The following ARHGAP5 variants were observed in gnomAD, a reference collection of about 807,000 sequenced individuals.
ARHGAP5 encodes the protein Rho GTPase activating protein 5.
Under a neutral mutation model 116.6 loss-of-function variants are expected in ARHGAP5, and 23 were observed. That is an observed-to-expected ratio of 0.20 (90% CI 0.14 to 0.28). The LOEUF (loss-of-function observed/expected upper bound fraction) is 0.28, where lower values mean the gene tolerates loss of function less well. Ranked by LOEUF, ARHGAP5 falls within the 10% of genes least tolerant of loss-of-function variation. The pLI, the probability that ARHGAP5 is intolerant of heterozygous loss-of-function variation, is 1.00. For missense variants in ARHGAP5, 1,405 were observed against 1,774.8 expected (o/e 0.79, Z 3.74); for synonymous variants, 574 against 602.0 (o/e 0.95, Z 0.68).
chr14:32,084,081 A>G lies in ARHGAP5; in HGVS notation c.-168-6421A>G, dbSNP rs1177479042. Reference sequence around the variant, plus strand: ...AGAATGACTTGCACACCAAGGCCTCAGGGAAATAACATGTTATCAGAGTAG... The same window carrying G: ...AGAATGACTTGCACACCAAGGCCTCGGGGAAATAACATGTTATCAGAGTAG... On this transcript the variant is annotated intron_variant, in intron 1 of 6. Coordinates refer to ENST00000345122, the MANE Select transcript of ARHGAP5 (RefSeq NM_001030055.2). Among the ~76,000 whole-genome samples the G allele has an allele frequency of 3.3e-5, 5 of 152,344 alleles. No individual in the cohort carries two copies. In the East Asian group the frequency reaches 9.6e-4, roughly 29 times the overall value.
Position 32,090,705 on chromosome 14 carries a change from C to T in ARHGAP5, c.36C>T (p.Ser12=), listed in dbSNP as rs1428214498. The part of the protein sequence containing the change: ...MAKNKEPRPP[S]YTISIVGLSG... ...AAAACAAAGAGCCTCGTCCCCCATC[C>T]TATACCATCAGTATAGTTGGACTCT... The change falls in exon 2 of 7, where the codon TCC becomes TCT. Residue 12 remains serine (S), a synonymous_variant. Transcript: ENST00000345122. 3 of 1,612,654 alleles carry T rather than the reference C, an allele frequency of 1.9e-6. No individual in the cohort carries two copies. The South Asian group carries it at 3.3e-5, about 18-fold the overall frequency.
At chr14:32,105,907 A>G (rs566039265) in intron 2 of ARHGAP5, among the ~76,000 whole-genome samples, 2 of 152,218 alleles carry the variant, frequency 1.3e-5, no homozygotes, top group African/African-American at 2.4e-5. Context: ...TTCATTTACC[A>G]TAATGCCCTT....
At chr14:32,078,756 C>G (rs373713558) in intron 1 of ARHGAP5, among the ~76,000 whole-genome samples, 1 of 152,102 alleles carries the variant, frequency 6.6e-6, no homozygotes, top group East Asian at 1.9e-4. Flanking sequence ...GTTCTCCTAA[C>G]AAAAATTTCA....
At chr14:32,080,818 A>G (rs983727216) in intron 1 of ARHGAP5, among the ~76,000 whole-genome samples, 1 of 152,078 alleles carries the variant, frequency 6.6e-6, no homozygotes, top group South Asian at 2.1e-4. Context: ...TGTCTACAGT[A>G]CTTTAGATTT....
chr14:32,131,276 G>C lies in ARHGAP5; in HGVS notation c.3865+13989G>C, dbSNP rs575883350. Among the ~76,000 whole-genome samples, 10 of 124,134 alleles carry C rather than the reference G, an allele frequency of 8.1e-5. No homozygotes were observed. The South Asian group carries it at 2.6e-3, about 32-fold the overall frequency. The allele number at this position is 124,134 out of a possible 152,430, so 81.4% of individuals were successfully genotyped here. On this transcript the variant is annotated intron_variant, in intron 3 of 6. Coordinates refer to ENST00000345122, the MANE Select transcript of ARHGAP5 (RefSeq NM_001030055.2). ...TCTTTTTTTTTTTTTTTTTAGGTTT[G>C]TCTTTATTTTATTTTATTTTTGCAT... is the stretch of plus-strand genomic sequence containing the variant.
At chr14:32,148,640 T>G (rs1280690705) in intron 4 of ARHGAP5, among the ~76,000 whole-genome samples, 2 of 152,320 alleles carry the variant, frequency 1.3e-5, no homozygotes, top group African/African-American at 2.4e-5. Flanking sequence ...TAGAATATTA[T>G]GTAAATTGTA....
intron 6 of ARHGAP5, chr14:32,153,885 C>T: frequency 7.1e-6 from 1 of 141,514 alleles, no homozygotes; most frequent in Non-Finnish European, 1.5e-5. Context: ...AGACTTGATT[C>T]TCAAAAAAAA....
At chr14:32,122,897 T>C (rs1038460761) in intron 3 of ARHGAP5, among the ~76,000 whole-genome samples, 2 of 152,190 alleles carry the variant, frequency 1.3e-5, no homozygotes, top group Non-Finnish European at 2.9e-5. Context: ...GTTTTCATTA[T>C]TGTTTTGTAG....
At chr14:32,105,619 C>T (rs908229230) in intron 2 of ARHGAP5, among the ~76,000 whole-genome samples, 10 of 152,060 alleles carry the variant, frequency 6.6e-5, no homozygotes, top group African/African-American at 2.4e-4. Context: ...CAGATTTCCC[C>T]AGTTTTACTT....
chr14:32,078,044 A>G (rs1285738497), intron 1 of ARHGAP5, among the ~76,000 whole-genome samples: 2 of 151,966 alleles, frequency 1.3e-5, no homozygotes, highest in African/African-American at 2.4e-5. Flanking sequence ...CTGCGCATCC[A>G]GAGCCCAGAG....
chr14:32,128,527 C>T (rs539443917), intron 3 of ARHGAP5, among the ~76,000 whole-genome samples: 521 of 152,342 alleles, frequency 3.4e-3, no homozygotes, highest in Non-Finnish European at 6.4e-3. Context: ...ATCTGCGTGT[C>T]GGCTATCGGT....
chr14:32,106,137 ATTGAG>A (rs770532978), intron 2 of ARHGAP5, among the ~76,000 whole-genome samples: 2 of 152,068 alleles, frequency 1.3e-5, no homozygotes, highest in Non-Finnish European at 2.9e-5. Context: ...TTATTTATTT[ATTGAG>A]ATGGAGTCTC....
rs546275237 is a variant in ARHGAP5 at position 32,117,126 on chromosome 14, A to G, written c.3718-14A>G. 3.8e-6 allele frequency: 6 copies of G among 1,569,740 alleles called. No homozygotes were observed. The South Asian group carries it at 7.0e-5, about 18-fold the overall frequency. ...TAATTTTAATAGTGTTAACTTAAAT[A>G]TGTTTTCTTATAGCAGAAAAAGAAA... On this transcript the variant is annotated splice_polypyrimidine_tract_variant and intron_variant, in intron 2 of 6. Coordinates refer to ENST00000345122, the MANE Select transcript of ARHGAP5 (RefSeq NM_001030055.2).
chr14:32,152,846 G>A (rs1044468185), intron 6 of ARHGAP5, among the ~76,000 whole-genome samples: 1 of 152,082 alleles, frequency 6.6e-6, no homozygotes, highest in African/African-American at 2.4e-5. Context: ...GGTTTGGTTT[G>A]AAAAATTACT....
chr14:32,140,596 A>AG (rs1881076255), intron 3 of ARHGAP5, among the ~76,000 whole-genome samples: 1 of 152,152 alleles, frequency 6.6e-6, no homozygotes. Context: ...TCTCAAAAAA[A>AG]GAAAAAAGAA....
intron 1 of ARHGAP5, among the ~76,000 whole-genome samples, chr14:32,082,148 C>T (rs2041783348): frequency 6.6e-6 from 1 of 152,170 alleles, no homozygotes; most frequent in African/African-American, 2.4e-5. Flanking sequence ...AGCCCAGTTC[C>T]TAATAAGCCA....
rs1881691127 is a variant in ARHGAP5 at position 32,152,539 on chromosome 14, T to G, written c.4181+11T>G. The G allele has an allele frequency of 6.8e-7, 1 of 1,467,264 alleles. No individual in the cohort carries two copies. Among genetic ancestry groups the G allele is most frequent in the Admixed American group, 2.4e-5 (1 of 41,224 alleles). The allele number at this position is 1,467,264 out of a possible 1,614,324, so 90.9% of individuals were successfully genotyped here. ...AACACATCTAAACAGGTATTTTTAT[T>G]TTTTTAGGGTTTTTTGGCAAATAAA... On this transcript the variant is annotated intron_variant, in intron 6 of 6. Transcript: ENST00000345122.
In ARHGAP5 at chr14:32,093,428, C is replaced by T. The variant is rs1420785475; in HGVS notation, c.2759C>T (p.Ser920Phe). 1 of 1,613,806 alleles carries T rather than the reference C, an allele frequency of 6.2e-7. No individual in the cohort carries two copies. Among genetic ancestry groups the T allele is most frequent in the Admixed American group, 1.7e-5 (1 of 59,992 alleles). Residue 920 changes from serine to phenylalanine, a missense_variant, in exon 2 of 7, where the codon TCT becomes TTT. Transcript: ENST00000345122. ...ACTGCTAAATTTACAGCACTGTATT[C>T]TTTATCTCAGTATCATCGGCAAACT... ...EITAKFTALY[S>F]LSQYHRQTEV...
At position 32,116,479 on chromosome 14, in the gene ARHGAP5, G is replaced by C. The variant is rs1043393349; in HGVS notation, c.3718-661G>C. 2.6e-5 allele frequency among the ~76,000 whole-genome samples: 4 copies of C among 151,632 alleles called. No individual in the cohort carries two copies. In the South Asian group the frequency reaches 6.3e-4, roughly 24 times the overall value. ...GTGGTGGTGGGCGCCTGTAGTCCCA[G>C]CTACTTGGGAGGCTGAGGCAGGAGA... On this transcript the variant is annotated intron_variant, in intron 2 of 6. Coordinates refer to ENST00000345122, the MANE Select transcript of ARHGAP5 (RefSeq NM_001030055.2).
Sources: gnomAD v4.1 joint callset for allele counts (sites outside exome capture counted in the v4.1 genomes callset) on GRCh38, gnomAD v4.1.1 for gene constraint, MANE v1.5 for transcripts, NCBI Gene and HGNC (gene_info 2026-07-23, HGNC 2026-07-21) for gene names.